Variants in RLF observed in about 807,000 individuals in gnomAD.
The protein encoded by RLF is RLF zinc finger, also known as zinc finger protein Rlf.
Under a neutral mutation model 162.9 loss-of-function variants are expected in RLF, and 7 were observed. The ratio of observed to expected loss-of-function variants is 0.04; its 90% CI spans 0.02 to 0.08. The LOEUF (loss-of-function observed/expected upper bound fraction) is 0.08. Among genes scored for constraint, RLF ranks in the 10% least tolerant of loss-of-function variants. The probability of loss-of-function intolerance (pLI) is 1.00; values close to 1 mark genes in which losing one functional copy is unlikely to be tolerated. For synonymous variants in RLF, 782 were observed against 791.5 expected (o/e 0.99, Z 0.20); for missense variants, 1,664 against 2,244.7 (o/e 0.74, Z 5.23).
intron 1 of RLF, among the ~76,000 whole-genome samples, chr1:40,169,307 A>G (rs1485470160): frequency 1.3e-5 from 2 of 151,954 alleles, no homozygotes; most frequent in East Asian, 1.9e-4. Context: ...TTCACTCCGT[A>G]TGATATATTT....
chr1:40,168,923 G>A (rs961504050), intron 1 of RLF, among the ~76,000 whole-genome samples: 11 of 152,076 alleles, frequency 7.2e-5, no homozygotes, highest in African/African-American at 2.7e-4. Context: ...AACCTGGGAG[G>A]CAGAGGTTGC....
intron 5 of RLF, among the ~76,000 whole-genome samples, chr1:40,220,273 C>A (rs1642975126): frequency 6.6e-6 from 1 of 152,246 alleles, no homozygotes; most frequent in Non-Finnish European, 1.5e-5. Flanking sequence ...TAGCAACTCT[C>A]AAGAGTTGAT....
chr1:40,229,684 A>C (rs1262224551), intron 6 of RLF, among the ~76,000 whole-genome samples: 1 of 151,214 alleles, frequency 6.6e-6, no homozygotes, highest in African/African-American at 2.4e-5. Context: ...CGAACTCCTG[A>C]CCTTGTGATC....
chr1:40,222,814 C>T, intron 6 of RLF, 104 bp downstream of exon 6: 1 of 875,182 alleles, frequency 1.1e-6, no homozygotes, highest in East Asian at 2.6e-5. Flanking sequence ...CTAGCATGAC[C>T]TGTGAATAGC....
intron 5 of RLF, among the ~76,000 whole-genome samples, chr1:40,220,661 G>A (rs1297867137): frequency 1.3e-5 from 2 of 152,114 alleles, no homozygotes; most frequent in South Asian, 2.1e-4. Flanking sequence ...TACTTAGCAC[G>A]GTGCAGGTAT....
chr1:40,182,230 G>A (rs1392655158), intron 1 of RLF, among the ~76,000 whole-genome samples: 16 of 152,110 alleles, frequency 1.1e-4, no homozygotes, highest in African/African-American at 1.4e-4. Context: ...TCAAGAGATC[G>A]AGACCATCCT....
chr1:40,212,244 C>T (rs1642874143), intron 5 of RLF, among the ~76,000 whole-genome samples: 1 of 152,114 alleles, frequency 6.6e-6, no homozygotes, highest in Admixed American at 6.5e-5. Flanking sequence ...CAGACACATA[C>T]AATTAAGATT....
At chr1:40,234,203 G>A (rs1271181085) in intron 7 of RLF, among the ~76,000 whole-genome samples, 6 of 152,122 alleles carry the variant, frequency 3.9e-5, no homozygotes, top group Non-Finnish European at 8.8e-5. Context: ...GCCTGCCTCG[G>A]CCTCCCAAAG....
intron 1 of RLF, among the ~76,000 whole-genome samples, chr1:40,163,520 G>T (rs1642124888): frequency 6.6e-6 from 1 of 152,188 alleles, no homozygotes; most frequent in African/African-American, 2.4e-5. Context: ...TTAATGTCTT[G>T]AGTCTTGGTG....
At chr1:40,181,429 C>G (rs1411251975) in intron 1 of RLF, among the ~76,000 whole-genome samples, 1 of 152,014 alleles carries the variant, frequency 6.6e-6, no homozygotes, top group East Asian at 1.9e-4. Flanking sequence ...GACTCCATCT[C>G]AAAAAGAAAA....
chr1:40,202,372 TGG>T, intron 4 of RLF, 38 bp from the exon 5 acceptor site: 1 of 1,266,996 alleles, frequency 7.9e-7, no homozygotes. Context: ...ACATGTTATG[TGG>T]TATGTTGTCA....
chr1:40,168,101 GCTA>G (rs1415007098), intron 1 of RLF, among the ~76,000 whole-genome samples: 1 of 151,798 alleles, frequency 6.6e-6, no homozygotes, highest in Admixed American at 6.6e-5. Context: ...TGTGATCCCA[GCTA>G]CTCAGGAGGC....
chr1:40,235,852 T>A lies in RLF; in HGVS notation c.1150T>A (p.Ser384Thr), dbSNP rs778821369. 6.2e-7 allele frequency: 1 copy of A among 1,613,974 alleles called. No individual in the cohort carries two copies. The highest frequency in any genetic ancestry group is 8.5e-7 in the Non-Finnish European group (1 of 1,179,972). The change falls in exon 8 of 8, where the codon TCA becomes ACA. Residue 384 changes from serine to threonine, a missense_variant. Physicochemically the swap from Ser to Thr is moderately conservative, Grantham distance 58. This residue lies in a region of RLF where 287 missense variants were observed against 404.9 expected (regional missense o/e 0.71). Transcript: ENST00000372771. Reference protein sequence around the residue: ...LLCVRALQLRSSEDEEMKASV... With the variant: ...LLCVRALQLRTSEDEEMKASV... ...GTGTGTCAGAGCTCTTCAACTCAGA[T>A]CAAGTGAAGATGAGGAAATGAAGGC...
chr1:40,231,547 A>G lies in RLF; in HGVS notation c.978A>G (p.Gln326=), dbSNP rs765666197. The G allele has an allele frequency of 1.9e-6, 3 of 1,613,796 alleles. No homozygotes were observed. The highest frequency in any genetic ancestry group is 1.7e-5 in the Admixed American group (1 of 59,948). The change falls in exon 7 of 8, where the codon CAA becomes CAG. Residue 326 remains glutamine (Q), a synonymous_variant. Coordinates refer to ENST00000372771, the MANE Select transcript of RLF (RefSeq NM_012421.4). ...WELTLFWSKL[Q]RRIDPSLDTF... ...TGACTCTTTTTTGGAGTAAACTGCA[A>G]AGAAGAATTGACCCTTCTTTAGATA...
chr1:40,234,740 A>T (rs1376814351), intron 7 of RLF, among the ~76,000 whole-genome samples: 1 of 152,216 alleles, frequency 6.6e-6, no homozygotes, highest in Non-Finnish European at 1.5e-5. Context: ...GTGCGTTTTA[A>T]GCCACTCTGA....
At chr1:40,178,560 T>G (rs1642359391) in intron 1 of RLF, among the ~76,000 whole-genome samples, 1 of 151,716 alleles carries the variant, frequency 6.6e-6, no homozygotes, top group Non-Finnish European at 1.5e-5. Flanking sequence ...GATGGTAAAT[T>G]TTATATGTAT....
intron 3 of RLF, among the ~76,000 whole-genome samples, chr1:40,191,921 C>G (rs1023131383): frequency 6.6e-6 from 1 of 152,204 alleles, no homozygotes; most frequent in East Asian, 1.9e-4. Flanking sequence ...GACAAAGTTA[C>G]ACACAGATTT....
In RLF at chr1:40,204,138, C is replaced by T. The variant is rs540075428; in HGVS notation, c.810+1524C>T. Among the ~76,000 whole-genome samples, 232 of 151,370 alleles carry T rather than the reference C, an allele frequency of 1.5e-3. 2 individuals carry two copies. The highest frequency in any genetic ancestry group is 0.01 in the Middle Eastern group (3 of 292). ...TCAAGCAATTCTCCTGCCTCAGCCT[C>T]CCGAGTAGCTGGGATTACAGTCGCC... On this transcript the variant is annotated intron_variant, in intron 5 of 7. Transcript: ENST00000372771.
chr1:40,231,821 A>G (rs1406552909), intron 7 of RLF, among the ~76,000 whole-genome samples, 163 bp downstream of exon 7: 2 of 152,218 alleles, frequency 1.3e-5, no homozygotes, highest in Non-Finnish European at 2.9e-5. Context: ...TTGACTTCCT[A>G]TAATTAATCA....
Sources: gnomAD v4.1 joint callset for allele counts (sites outside exome capture counted in the v4.1 genomes callset) on GRCh38, gnomAD v4.1.1 for gene constraint, gnomAD v4.1.1 regional missense constraint, MANE v1.5 for transcripts, NCBI Gene and HGNC (gene_info 2026-07-23, HGNC 2026-07-21) for gene names.